PARVA: variants seen among roughly 807,000 people sequenced by gnomAD.
PARVA encodes alpha-parvin.
PARVA carries 25 observed loss-of-function variants against 52.6 expected under a neutral mutation model. The ratio of observed to expected loss-of-function variants is 0.48; its 90% CI spans 0.35 to 0.66. The LOEUF (loss-of-function observed/expected upper bound fraction) is 0.66, where lower values mean the gene tolerates loss of function less well. PARVA is among the 30% of genes least tolerant of loss of function. PARVA has a pLI of 0.01. For synonymous variants in PARVA, 185 were observed against 179.1 expected, an observed-to-expected ratio of 1.03 and a Z score of -0.26; for missense variants, 373 against 450.9, an observed-to-expected ratio of 0.83 and a Z score of 1.56.
At chr11:12,511,471 A>T (rs1273860291) in intron 7 of PARVA, 43 bp from the exon 8 acceptor site, 1 of 1,604,824 alleles carries the variant, frequency 6.2e-7, no homozygotes, top group Non-Finnish European at 8.5e-7. Flanking sequence ...CTTATAAGGG[A>T]CAAGAGAAGA....
chr11:12,436,055 C>T (rs1940383259), intron 1 of PARVA, among the ~76,000 whole-genome samples: 1 of 152,084 alleles, frequency 6.6e-6, no homozygotes, highest in Admixed American at 6.6e-5. Context: ...ATCTCCTGAC[C>T]TTGTGATCCA....
In PARVA at chr11:12,406,661, G is replaced by GTTTTTTTTTTTTTTTTT. The variant is rs571973101; in HGVS notation, c.136+28889_136+28905dup. On this transcript the variant is annotated intron_variant, in intron 1 of 12. Coordinates refer to ENST00000334956, the MANE Select transcript of PARVA (RefSeq NM_018222.5). ...ATTGTTAGCTATTTAGGTTGTATCTGTTTTTTTTTTTTTTTTTTTTTTTTT... is the reference window on the plus strand; with the variant it reads ...ATTGTTAGCTATTTAGGTTGTATCTGTTTTTTTTTTTTTTTTTTTTTTTTTTTTTTTTTTTTTTTTTT... Among the ~76,000 whole-genome samples, 45 of 77,794 alleles carry GTTTTTTTTTTTTTTTTT rather than the reference G, an allele frequency of 5.8e-4. 6 individuals are homozygous for GTTTTTTTTTTTTTTTTT. Among genetic ancestry groups the GTTTTTTTTTTTTTTTTT allele is most frequent in the African/African-American group, 1.2e-3 (22 of 18,486 alleles). 51.0% of individuals were successfully genotyped at this position (77,794 alleles called of 152,430 possible).
chr11:12,417,920 G>A (rs7926935), intron 1 of PARVA, among the ~76,000 whole-genome samples: 88,537 of 152,054 alleles, frequency 0.58, 26,246 homozygotes, highest in African/African-American at 0.69. Flanking sequence ...CCTCCTACAA[G>A]GCACCCTTTC....
At chr11:12,482,929 G>T (rs1941107761) in intron 4 of PARVA, among the ~76,000 whole-genome samples, 1 of 152,224 alleles carries the variant, frequency 6.6e-6, no homozygotes, top group South Asian at 2.1e-4. Flanking sequence ...TCTTGGCAGA[G>T]AGTTGTATAT....
At chr11:12,495,160 A>C in intron 4 of PARVA, among the ~76,000 whole-genome samples, 1 of 152,224 alleles carries the variant, frequency 6.6e-6, no homozygotes. Context: ...TTCTTGTTAA[A>C]TCCCTGAACT....
chr11:12,380,490 G>T (rs1589934400), intron 1 of PARVA, among the ~76,000 whole-genome samples: 1 of 151,102 alleles, frequency 6.6e-6, no homozygotes, highest in East Asian at 1.9e-4. Flanking sequence ...CATTCTGCAT[G>T]TTCTCTGTCT....
intron 12 of PARVA, among the ~76,000 whole-genome samples, chr11:12,522,787 G>GT (rs1242817606): frequency 7.2e-5 from 6 of 83,486 alleles, no homozygotes; most frequent in Non-Finnish European, 1.3e-4. Flanking sequence ...CAGTAAAACT[G>GT]TTAAAAAAAA....
chr11:12,399,403 C>A (rs1351236225), intron 1 of PARVA, among the ~76,000 whole-genome samples: 1 of 152,178 alleles, frequency 6.6e-6, no homozygotes, highest in Admixed American at 6.5e-5. Context: ...GCTTGTGTAA[C>A]CTGTAATTCT....
upstream of PARVA, chr11:12,377,220 G>A (rs995413047): frequency 3.0e-4 from 100 of 333,086 alleles, no homozygotes; most frequent in East Asian, 5.4e-3. Flanking sequence ...GAGCTCACCA[G>A]CCGCCGGCTG....
chr11:12,404,394 A>C (rs753842531), intron 1 of PARVA, among the ~76,000 whole-genome samples: 4 of 152,218 alleles, frequency 2.6e-5, no homozygotes, highest in Admixed American at 6.5e-5. Flanking sequence ...TGAGGGCCCC[A>C]AAAAAGGGTC....
At chr11:12,474,338 A>G (rs1159139811) in intron 3 of PARVA, among the ~76,000 whole-genome samples, 1 of 152,080 alleles carries the variant, frequency 6.6e-6, no homozygotes, top group African/African-American at 2.4e-5. Flanking sequence ...TCCAGATGAC[A>G]AAATCAAGTT....
At chr11:12,465,853 C>T (rs146146873) in intron 1 of PARVA, among the ~76,000 whole-genome samples, 5 of 152,298 alleles carry the variant, frequency 3.3e-5, no homozygotes, top group African/African-American at 1.2e-4. Context: ...AACATGTTTT[C>T]AAATCAGTTG....
intron 5 of PARVA, among the ~76,000 whole-genome samples, chr11:12,500,057 T>C (rs1941346396): frequency 6.6e-6 from 1 of 152,184 alleles, no homozygotes; most frequent in Non-Finnish European, 1.5e-5. Flanking sequence ...TAATGACTTC[T>C]TTAGGATAAA....
chr11:12,384,290 C>T (rs1939539633), intron 1 of PARVA, among the ~76,000 whole-genome samples: 1 of 152,198 alleles, frequency 6.6e-6, no homozygotes. Flanking sequence ...GTTATCTCTA[C>T]CTGCTTGTCT....
intron 1 of PARVA, among the ~76,000 whole-genome samples, chr11:12,436,856 G>T (rs1940394170): frequency 6.6e-6 from 1 of 152,186 alleles, no homozygotes; most frequent in African/African-American, 2.4e-5. Context: ...TATTGGAGAT[G>T]AGAGCAAAAG....
intron 1 of PARVA, among the ~76,000 whole-genome samples, chr11:12,390,005 GC>G: frequency 6.6e-6 from 1 of 152,206 alleles, no homozygotes; most frequent in East Asian, 1.9e-4. Context: ...AAGCAGCCTG[GC>G]TCTGGGGAGC....
intron 1 of PARVA, among the ~76,000 whole-genome samples, chr11:12,398,641 C>G (rs1939783958): frequency 6.6e-6 from 1 of 151,620 alleles, no homozygotes; most frequent in Non-Finnish European, 1.5e-5. Flanking sequence ...CTGGACATGT[C>G]AGTTCATTTC....
intron 4 of PARVA, among the ~76,000 whole-genome samples, chr11:12,491,244 C>A (rs925354407): frequency 6.6e-6 from 1 of 152,160 alleles, no homozygotes; most frequent in Non-Finnish European, 1.5e-5. Context: ...CCGACTGTAG[C>A]CTCTACCTCC....
At position 12,508,667 on chromosome 11, in the gene PARVA, C is replaced by T. The variant is rs751818573; in HGVS notation, c.716+25C>T. 7.8e-6 allele frequency: 12 copies of T among 1,537,824 alleles called. No homozygotes were observed. The East Asian group carries it at 1.1e-4, about 15-fold the overall frequency. On this transcript the variant is annotated intron_variant, in intron 7 of 12. Transcript: ENST00000334956. ...AGTATGTCAACACCATTGTTGCCAG[C>T]GATTCTGTAATGGAACACAGATGTT... is the stretch of plus-strand genomic sequence containing the variant.
Sources: allele counts gnomAD v4.1 joint callset (sites outside exome capture counted in the v4.1 genomes callset), GRCh38; gene constraint gnomAD v4.1.1; transcripts MANE v1.5; gene names NCBI Gene and HGNC (gene_info 2026-07-23, HGNC 2026-07-21).